ALDH1L2: variants seen among roughly 807,000 people sequenced by gnomAD.
The protein encoded by ALDH1L2 is mitochondrial 10-formyltetrahydrofolate dehydrogenase.
In ALDH1L2, 91 loss-of-function variants were observed where a neutral mutation model predicts 111.0. The ratio of observed to expected loss-of-function variants is 0.82; its 90% CI spans 0.69 to 0.98. The LOEUF (loss-of-function observed/expected upper bound fraction) is 0.98. ALDH1L2 is among the 50% of genes least tolerant of loss of function. ALDH1L2 has a pLI of 0.00. For synonymous variants in ALDH1L2, 374 were observed against 392.6 expected (o/e 0.95, Z 0.56); for missense variants, 995 against 1,126.8 (o/e 0.88, Z 1.67).
chr12:105,081,796 C>T lies in ALDH1L2; in HGVS notation c.48+2593G>A, dbSNP rs901237714. 3.9e-5 allele frequency among the ~76,000 whole-genome samples: 6 copies of T among 152,192 alleles called. No homozygotes were observed. In the South Asian group the frequency reaches 8.3e-4, roughly 21 times the overall value. ...CAAGAAGTGTTATAAACTAATTTTCCCCTTGGATTTTGCTAGGTTCTGAAA... is the reference window on the plus strand; with the variant it reads ...CAAGAAGTGTTATAAACTAATTTTCTCCTTGGATTTTGCTAGGTTCTGAAA... On this transcript the variant is annotated intron_variant, in intron 1 of 22. Transcript: ENST00000258494.
At chr12:105,049,135 C>G (rs1038317891) in intron 13 of ALDH1L2, among the ~76,000 whole-genome samples, 13 of 152,126 alleles carry the variant, frequency 8.5e-5, no homozygotes, top group Admixed American at 3.3e-4. Context: ...TACGGTAGCT[C>G]TCTGGCCTCT....
intron 10 of ALDH1L2, among the ~76,000 whole-genome samples, chr12:105,057,515 A>T (rs1232221766): frequency 6.6e-6 from 1 of 152,234 alleles, no homozygotes. Flanking sequence ...CCAAATGTAC[A>T]TCAACTGATG....
intron 15 of ALDH1L2, among the ~76,000 whole-genome samples, chr12:105,042,988 A>G (rs1875630798): frequency 6.6e-6 from 1 of 152,222 alleles, no homozygotes; most frequent in Admixed American, 6.5e-5. Context: ...TTGAGGTGGG[A>G]AAAGAAAATA....
intron 8 of ALDH1L2, among the ~76,000 whole-genome samples, chr12:105,061,343 G>C (rs1876991855): frequency 6.6e-6 from 1 of 152,054 alleles, no homozygotes; most frequent in Non-Finnish European, 1.5e-5. Flanking sequence ...GAATAGAGAC[G>C]CCCCCCAGGG....
rs536464085 is a variant in ALDH1L2, at chr12:105,068,835, C to T, written c.478G>A (p.Asp160Asn). The change falls in exon 4 of 23, where the codon GAT (aspartate) becomes AAT (asparagine). Residue 160 changes from aspartate to asparagine, a missense_variant. Transcript: ENST00000258494. ...KKAGFSVFWA[D>N]DGLDTGPILL... ...ATGGGTCCTGTATCCAAGCCATCAT[C>T]AGCCCAGAAAACAGAAAACCCAGCT... The T allele has an allele frequency of 5.6e-6, 9 of 1,602,524 alleles. No individual in the cohort carries two copies. The South Asian group carries it at 1.0e-4, about 18-fold the overall frequency.
chr12:105,052,095 C>G lies in ALDH1L2; in HGVS notation c.1530G>C (p.Met510Ile). ...RMNARERGRL[M>I]YRLADLLEEN... The stretch of plus-strand genomic sequence containing the variant: ...AAAATAAAAAATAGAAATACCTATA[C>G]ATCAATCTTCCTCTTTCTCTTGCAT... The change falls in exon 12 of 23, where the codon ATG becomes ATC. Residue 510 changes from methionine (M) to isoleucine (I), a missense_variant. By Grantham distance (10) the Met-to-Ile change is conservative (BLOSUM62 1). Coordinates refer to ENST00000258494, the MANE Select transcript of ALDH1L2 (RefSeq NM_001034173.4). 1 of 1,601,148 alleles carries G rather than the reference C, an allele frequency of 6.2e-7. No homozygotes were observed. Among genetic ancestry groups the G allele is most frequent in the Non-Finnish European group, 8.5e-7 (1 of 1,175,114 alleles).
intron 9 of ALDH1L2, among the ~76,000 whole-genome samples, chr12:105,060,052 C>T (rs1369299389): frequency 6.6e-6 from 1 of 152,182 alleles, no homozygotes; most frequent in Non-Finnish European, 1.5e-5. Flanking sequence ...GGGACTCCAG[C>T]CCTTTCAACT....
At chr12:105,024,736 G>A (rs1874331477) in intron 22 of ALDH1L2, among the ~76,000 whole-genome samples, 1 of 152,226 alleles carries the variant, frequency 6.6e-6, no homozygotes, top group Non-Finnish European at 1.5e-5. Context: ...GCTGATGCTA[G>A]TGGTCCATGG....
At chr12:105,070,198 G>C (rs779379579) in intron 3 of ALDH1L2, among the ~76,000 whole-genome samples, 19 of 152,166 alleles carry the variant, frequency 1.2e-4, no homozygotes, top group Non-Finnish European at 2.4e-4. Context: ...TCAATACCTA[G>C]TAACAGTCAA....
chr12:105,077,883 C>A (rs11112359), intron 1 of ALDH1L2, among the ~76,000 whole-genome samples: 14,414 of 152,090 alleles, frequency 0.095, 788 homozygotes, highest in East Asian at 0.23. Flanking sequence ...CCAAAGCTAT[C>A]CAAGTAAGAA....
rs56377521 is a variant in ALDH1L2 at position 105,024,110 on chromosome 12, A to G, written c.*314T>C. On this transcript the variant is annotated 3_prime_UTR_variant, in exon 23 of 23. Transcript: ENST00000258494. The stretch of plus-strand genomic sequence containing the variant: ...AATGCACCTTGTGTATTATAACTGC[A>G]TGGTACTGACATCTTCAAGATGGGA... 0.016 allele frequency: 6,762 copies of G among 420,176 alleles called. 75 individuals are homozygous for G. Among genetic ancestry groups the G allele is most frequent in the Non-Finnish European group, 0.023 (5,270 of 233,380 alleles). 26.0% of individuals were successfully genotyped at this position (420,176 alleles called of 1,614,324 possible).
chr12:105,073,821 C>G (rs1877872791), intron 2 of ALDH1L2, 40 bp downstream of exon 2: 6 of 1,612,128 alleles, frequency 3.7e-6, no homozygotes, highest in Non-Finnish European at 5.1e-6. Context: ...TTGGTAAGGA[C>G]CTGAGAATTC....
At chr12:105,068,622 T>G (rs938787234) in intron 4 of ALDH1L2, 97 bp downstream of exon 4, 1 of 1,193,770 alleles carries the variant, frequency 8.4e-7, no homozygotes. Flanking sequence ...ACTTTATATT[T>G]TTGGTGAAAA....
intron 9 of ALDH1L2, among the ~76,000 whole-genome samples, chr12:105,058,701 T>C (rs1404788293): frequency 6.6e-6 from 1 of 152,214 alleles, no homozygotes; most frequent in African/African-American, 2.4e-5. Context: ...ATGCAGTAGG[T>C]CAGTATAACT....
chr12:105,049,770 A>G (rs547019773), intron 13 of ALDH1L2, 138 bp downstream of exon 13: 137 of 929,922 alleles, frequency 1.5e-4, no homozygotes, highest in Middle Eastern at 3.2e-4. Context: ...CTGTTACAGC[A>G]GCATAAAATG....
At chr12:105,029,374 G>C (rs1211587331) in intron 21 of ALDH1L2, among the ~76,000 whole-genome samples, 1 of 152,152 alleles carries the variant, frequency 6.6e-6, no homozygotes, top group Non-Finnish European at 1.5e-5. Flanking sequence ...AGGAGGCAGA[G>C]TTGGTCCTCT....
intron 19 of ALDH1L2, among the ~76,000 whole-genome samples, chr12:105,033,730 A>G (rs1214950514): frequency 6.6e-6 from 1 of 152,020 alleles, no homozygotes; most frequent in Non-Finnish European, 1.5e-5. Flanking sequence ...TGTCCTGGGG[A>G]TGTTTATTTA....
intron 1 of ALDH1L2, among the ~76,000 whole-genome samples, chr12:105,079,135 G>A (rs1266885477): frequency 6.6e-6 from 1 of 152,206 alleles, no homozygotes; most frequent in Non-Finnish European, 1.5e-5. Flanking sequence ...CACACCTCTT[G>A]TGTTGAGAAT....
rs1874174511 is a variant in ALDH1L2, at chr12:105,021,746, A to T, written c.*2678T>A. Reference sequence around the variant, plus strand: ...GCCCTTAATAAATGGTAGCTGTCATATCGTATTATTATTGACAGAAGGCCC... The same window carrying T: ...GCCCTTAATAAATGGTAGCTGTCATTTCGTATTATTATTGACAGAAGGCCC... On this transcript the variant is annotated 3_prime_UTR_variant, in exon 23 of 23. Transcript: ENST00000258494. 6.6e-6 allele frequency: 1 copy of T among 152,188 alleles called. No homozygotes were observed. The highest frequency in any genetic ancestry group is 1.5e-5 in the Non-Finnish European group (1 of 68,032). The allele number at this position is 152,188 out of a possible 1,614,324, so 9.4% of individuals were successfully genotyped here.
Sources: gnomAD v4.1 joint callset for allele counts (sites outside exome capture counted in the v4.1 genomes callset) on GRCh38, gnomAD v4.1.1 for gene constraint, MANE v1.5 for transcripts, NCBI Gene and HGNC (gene_info 2026-07-23, HGNC 2026-07-21) for gene names.